Variants in TBC1D22A observed in about 807,000 individuals in gnomAD.
TBC1D22A encodes the protein putative GTPase activator.
TBC1D22A carries 38 observed loss-of-function variants against 60.2 expected under a neutral mutation model. The observed-to-expected ratio is 0.63, with a 90% CI of 0.49 to 0.83. The LOEUF (loss-of-function observed/expected upper bound fraction) is 0.83, where lower values mean the gene tolerates loss of function less well. Ranked by LOEUF, TBC1D22A falls within the 40% of genes least tolerant of loss-of-function variation. The pLI is 0.00. For missense variants in TBC1D22A, 628 were observed against 701.0 expected, an observed-to-expected ratio of 0.90 and a Z score of 1.18; for synonymous variants, 302 against 281.7, an observed-to-expected ratio of 1.07 and a Z score of -0.72.
intron 8 of TBC1D22A, among the ~76,000 whole-genome samples, chr22:46,965,022 G>A (rs374590703): frequency 5.3e-5 from 8 of 152,348 alleles, no homozygotes; most frequent in South Asian, 2.1e-4. Context: ...GTGATTTATC[G>A]AAGACCAAGG....
intron 12 of TBC1D22A, among the ~76,000 whole-genome samples, chr22:47,162,485 A>G (rs1293395509): frequency 6.6e-6 from 1 of 152,172 alleles, no homozygotes; most frequent in Non-Finnish European, 1.5e-5. Context: ...AGGGACATGT[A>G]GCCATTGGCC....
chr22:46,911,596 T>A (rs1038592730), intron 7 of TBC1D22A, among the ~76,000 whole-genome samples: 1 of 151,980 alleles, frequency 6.6e-6, no homozygotes, highest in Non-Finnish European at 1.5e-5. Flanking sequence ...TGTGGGACAA[T>A]AAATAATTTT....
intron 8 of TBC1D22A, among the ~76,000 whole-genome samples, chr22:46,931,043 G>C (rs565754951): frequency 2.8e-4 from 42 of 152,340 alleles, no homozygotes; most frequent in African/African-American, 1.0e-3. Context: ...TTCAGTTCCA[G>C]AGTTCTAGTC....
At chr22:46,962,888 T>A (rs1284890023) in intron 8 of TBC1D22A, among the ~76,000 whole-genome samples, 3 of 152,152 alleles carry the variant, frequency 2.0e-5, no homozygotes, top group African/African-American at 7.2e-5. Flanking sequence ...TGTGAGTTCC[T>A]AAAATTTTTT....
intron 1 of TBC1D22A, among the ~76,000 whole-genome samples, chr22:46,772,952 G>A (rs973314474): frequency 3.9e-5 from 6 of 152,176 alleles, no homozygotes; most frequent in African/African-American, 1.4e-4. Flanking sequence ...TTATCCACTT[G>A]TTGATGGATG....
At chr22:46,901,209 A>G (rs188529800) in intron 7 of TBC1D22A, among the ~76,000 whole-genome samples, 58 of 152,304 alleles carry the variant, frequency 3.8e-4, no homozygotes, top group African/African-American at 1.4e-3. Context: ...ACACTGCAGG[A>G]TTAAGTTTGC....
At chr22:47,016,582 A>G (rs553278464) in intron 10 of TBC1D22A, among the ~76,000 whole-genome samples, 227 of 152,238 alleles carry the variant, frequency 1.5e-3, no homozygotes, top group African/African-American at 5.2e-3. Context: ...TCTTTGCCCG[A>G]TAGTGTCAGT....
intron 11 of TBC1D22A, among the ~76,000 whole-genome samples, chr22:47,072,562 G>T (rs1184790156): frequency 3.3e-5 from 5 of 152,188 alleles, no homozygotes; most frequent in Non-Finnish European, 1.5e-5. Flanking sequence ...CCACACCCCT[G>T]TTAGCACCCC....
intron 8 of TBC1D22A, among the ~76,000 whole-genome samples, chr22:46,922,296 G>A (rs908469347): frequency 1.3e-5 from 2 of 152,138 alleles, no homozygotes; most frequent in Non-Finnish European, 2.9e-5. Flanking sequence ...GTTTTTGTTA[G>A]TGTAGCCTTG....
chr22:46,779,989 G>T (rs73475020), intron 1 of TBC1D22A, among the ~76,000 whole-genome samples: 2,239 of 152,306 alleles, frequency 0.015, 63 homozygotes, highest in African/African-American at 0.051. Flanking sequence ...CGGAGGGGAT[G>T]GTGGAATTGT....
chr22:46,884,469 C>T (rs370706438), intron 5 of TBC1D22A, among the ~76,000 whole-genome samples: 8 of 152,152 alleles, frequency 5.3e-5, no homozygotes, highest in South Asian at 2.1e-4. Flanking sequence ...GAAGCAGTGC[C>T]GTGGGCTCCT....
chr22:47,092,455 C>A (rs550739336), intron 11 of TBC1D22A, among the ~76,000 whole-genome samples: 1 of 152,106 alleles, frequency 6.6e-6, no homozygotes, highest in Admixed American at 6.5e-5. Context: ...AGAGAGTGAA[C>A]GAGGATGCCC....
chr22:46,890,042 T>A (rs12166108), intron 5 of TBC1D22A, among the ~76,000 whole-genome samples: 8,838 of 152,200 alleles, frequency 0.058, 794 homozygotes, highest in African/African-American at 0.2. Flanking sequence ...CCAACTGTGC[T>A]TCGAAAATAT....
At chr22:47,003,455 G>A (rs377300394) in intron 10 of TBC1D22A, among the ~76,000 whole-genome samples, 65 of 107,448 alleles carry the variant, frequency 6.0e-4, no homozygotes, top group African/African-American at 1.8e-3. Context: ...CGCACCCTAC[G>A]CACACATGCC....
At chr22:47,165,298 C>T (rs1224613219) in intron 12 of TBC1D22A, among the ~76,000 whole-genome samples, 1 of 152,196 alleles carries the variant, frequency 6.6e-6, no homozygotes, top group Non-Finnish European at 1.5e-5. Flanking sequence ...CGAAGGGCTC[C>T]TCTGCCACCT....
intron 6 of TBC1D22A, among the ~76,000 whole-genome samples, chr22:46,893,853 C>T (rs1335160548): frequency 1.3e-5 from 2 of 152,242 alleles, no homozygotes; most frequent in South Asian, 4.1e-4. Context: ...CCTCAGCTTA[C>T]TCCATTTGGC....
intron 12 of TBC1D22A, among the ~76,000 whole-genome samples, chr22:47,159,241 A>G (rs2067853121): frequency 6.7e-6 from 1 of 149,022 alleles, no homozygotes; most frequent in East Asian, 2.0e-4. Flanking sequence ...CACACACAAA[A>G]TATACCATGT....
chr22:47,135,911 G>A (rs1170749392), intron 12 of TBC1D22A, among the ~76,000 whole-genome samples: 3 of 152,186 alleles, frequency 2.0e-5, no homozygotes, highest in African/African-American at 4.8e-5. Context: ...CACTGAGCAC[G>A]TGCCATGTGC....
At chr22:46,941,834 AATAGAATATATGTATAGAATATGT>A (rs1555960505) in intron 8 of TBC1D22A, among the ~76,000 whole-genome samples, 4 of 121,800 alleles carry the variant, frequency 3.3e-5, no homozygotes, top group Admixed American at 1.8e-4. Context: ...TATATAGAAT[AATAGAATATATGTATAGAATATGT>A]ATAGAATATA....
Sources: allele counts gnomAD v4.1 joint callset (sites outside exome capture counted in the v4.1 genomes callset), GRCh38; gene constraint gnomAD v4.1.1; transcripts MANE v1.5; gene names NCBI Gene and HGNC (gene_info 2026-07-23, HGNC 2026-07-21).